Variants in ZNF804B observed in about 807,000 individuals in gnomAD.
The protein encoded by ZNF804B is zinc finger protein 804B, also known as zinc finger 804B.
Under a neutral mutation model 101.4 loss-of-function variants are expected in ZNF804B, and 80 were observed. The ratio of observed to expected loss-of-function variants is 0.79; its 90% CI spans 0.66 to 0.95. ZNF804B has a LOEUF of 0.95. ZNF804B is among the 40% of genes least tolerant of loss of function. ZNF804B has a pLI of 0.00. For synonymous variants in ZNF804B, 622 were observed against 558.8 expected, an observed-to-expected ratio of 1.11 and a Z score of -1.59; for missense variants, 1,673 against 1,561.9, an observed-to-expected ratio of 1.07 and a Z score of -1.20.
intron 1 of ZNF804B, among the ~76,000 whole-genome samples, chr7:89,185,356 G>T (rs1406678917): frequency 6.6e-6 from 1 of 152,118 alleles, no homozygotes; most frequent in African/African-American, 2.4e-5. Context: ...TTCTTCCAGA[G>T]AAGCAGGAAA....
intron 1 of ZNF804B, among the ~76,000 whole-genome samples, chr7:88,939,356 GTTAATA>G (rs1793023848): frequency 1.3e-5 from 2 of 151,742 alleles, no homozygotes; most frequent in African/African-American, 4.8e-5. Flanking sequence ...TTGTTGTAAT[GTTAATA>G]TTTATTTTTA....
chr7:89,231,275 T>C (rs1320599051), intron 2 of ZNF804B, among the ~76,000 whole-genome samples: 1 of 152,092 alleles, frequency 6.6e-6, no homozygotes, highest in Non-Finnish European at 1.5e-5. Context: ...TATAAGTTTA[T>C]TTCTAGATTC....
chr7:88,840,110 A>C (rs1212983762), intron 1 of ZNF804B, among the ~76,000 whole-genome samples: 1 of 152,162 alleles, frequency 6.6e-6, no homozygotes, highest in Non-Finnish European at 1.5e-5. Context: ...GAGAAGGCAC[A>C]TTTTAGGAGA....
chr7:89,333,290 T>C, intron 3 of ZNF804B, 73 bp from the exon 4 acceptor site: 3 of 1,351,942 alleles, frequency 2.2e-6, no homozygotes, highest in Non-Finnish European at 2.9e-6. Flanking sequence ...TTAGAAACAC[T>C]ATGAAATGTT....
chr7:88,846,918 A>T (rs1309865780), intron 1 of ZNF804B, among the ~76,000 whole-genome samples: 1 of 133,280 alleles, frequency 7.5e-6, no homozygotes, highest in Admixed American at 7.6e-5. Flanking sequence ...ATACACATAC[A>T]TATATATAAA....
At chr7:89,170,741 T>C (rs1225834246) in intron 1 of ZNF804B, among the ~76,000 whole-genome samples, 1 of 152,198 alleles carries the variant, frequency 6.6e-6, no homozygotes, top group Non-Finnish European at 1.5e-5. Context: ...CATTATATTG[T>C]TTGAAGCAAA....
chr7:88,781,337 G>C (rs1049499900), intron 1 of ZNF804B, among the ~76,000 whole-genome samples: 85 of 152,278 alleles, frequency 5.6e-4, no homozygotes, highest in African/African-American at 1.8e-3. Context: ...AAGAGCAGCA[G>C]CAGAAGCCTG....
intron 1 of ZNF804B, among the ~76,000 whole-genome samples, chr7:89,147,525 C>T (rs934121153): frequency 1.1e-4 from 17 of 152,046 alleles, no homozygotes; most frequent in African/African-American, 4.1e-4. Flanking sequence ...CATTATTTCA[C>T]ATACACAGAA....
chr7:89,333,629 G>A lies in ZNF804B; in HGVS notation c.647G>A (p.Arg216Lys), dbSNP rs761593394. 1.9e-6 allele frequency: 3 copies of A among 1,613,596 alleles called. No individual in the cohort carries two copies. Among genetic ancestry groups the A allele is most frequent in the Admixed American group, 3.3e-5 (2 of 59,922 alleles). ...TCAGATCTCAGCAATGCAAATCACA[G>A]AACAGGAGTATCATTTACTTTTTCC... ...TSSDLSNANH[R>K]TGVSFTFSKK... is the part of the protein sequence containing the mutation. Residue 216 changes from arginine to lysine, a missense_variant, in exon 4 of 4, where the codon AGA becomes AAA. By Grantham distance (26) the Arg-to-Lys change is conservative. Transcript: ENST00000333190.
At chr7:88,908,154 A>G (rs891111024) in intron 1 of ZNF804B, among the ~76,000 whole-genome samples, 1 of 151,826 alleles carries the variant, frequency 6.6e-6, no homozygotes, top group African/African-American at 2.4e-5. Flanking sequence ...ATCTCTAAAC[A>G]TTTGAATTTG....
chr7:89,316,881 A>T (rs1394848419), intron 2 of ZNF804B, among the ~76,000 whole-genome samples: 1 of 152,188 alleles, frequency 6.6e-6, no homozygotes, highest in African/African-American at 2.4e-5. Context: ...CCTAAGTTTG[A>T]GTGTGAAACA....
intron 2 of ZNF804B, among the ~76,000 whole-genome samples, chr7:89,233,081 C>G (rs1386595320): frequency 6.6e-6 from 1 of 151,742 alleles, no homozygotes; most frequent in African/African-American, 2.4e-5. Flanking sequence ...GCCACCACGC[C>G]TGGCTAATTT....
chr7:89,156,066 TTCTTTCTC>T (rs1442267161), intron 1 of ZNF804B, among the ~76,000 whole-genome samples: 7 of 66,456 alleles, frequency 1.1e-4, no homozygotes, highest in Non-Finnish European at 2.3e-4. Context: ...CTTTCTTTCT[TTCTTTCTC>T]TCTTTCTCTC....
intron 1 of ZNF804B, among the ~76,000 whole-genome samples, chr7:88,788,843 A>C (rs1302870844): frequency 6.6e-6 from 1 of 152,144 alleles, no homozygotes; most frequent in Non-Finnish European, 1.5e-5. Flanking sequence ...CCTTGACAAC[A>C]CTATTATTCT....
chr7:88,792,672 A>T (rs1004351083), intron 1 of ZNF804B, among the ~76,000 whole-genome samples: 1 of 152,124 alleles, frequency 6.6e-6, no homozygotes, highest in Non-Finnish European at 1.5e-5. Context: ...AATAGACAGC[A>T]TAATGCTGTT....
intron 1 of ZNF804B, among the ~76,000 whole-genome samples, chr7:89,093,566 G>A (rs1789926099): frequency 6.6e-6 from 1 of 152,222 alleles, no homozygotes; most frequent in Non-Finnish European, 1.5e-5. Flanking sequence ...AGACAGAATA[G>A]TTCTGTTACC....
intron 1 of ZNF804B, among the ~76,000 whole-genome samples, chr7:88,862,767 T>C (rs1427898678): frequency 1.1e-4 from 17 of 152,122 alleles, no homozygotes; most frequent in Non-Finnish European, 2.5e-4. Flanking sequence ...TTTGTTGTTT[T>C]GATTCATCGA....
At chr7:88,803,026 A>G (rs548747747) in intron 1 of ZNF804B, among the ~76,000 whole-genome samples, 102 of 152,148 alleles carry the variant, frequency 6.7e-4, no homozygotes, top group African/African-American at 2.3e-3. Flanking sequence ...TGGATTCCCA[A>G]CCTTATTTTT....
intron 1 of ZNF804B, among the ~76,000 whole-genome samples, chr7:88,937,712 G>T (rs1200828829): frequency 1.3e-5 from 2 of 151,938 alleles, no homozygotes; most frequent in Non-Finnish European, 2.9e-5. Flanking sequence ...TGACATAGTG[G>T]CAAACAATGT....
Sources: gnomAD v4.1 joint callset for allele counts (sites outside exome capture counted in the v4.1 genomes callset) on GRCh38, gnomAD v4.1.1 for gene constraint, MANE v1.5 for transcripts, NCBI Gene and HGNC (gene_info 2026-07-23, HGNC 2026-07-21) for gene names.